The following AHCYL2 variants were observed in gnomAD, a reference collection of about 807,000 sequenced individuals.
AHCYL2 encodes adenosylhomocysteinase like 2, also known as S-adenosylhomocysteine hydrolase-like protein 2.
A neutral mutation model predicts 81.4 loss-of-function variants in AHCYL2; 28 were observed. The ratio of observed to expected loss-of-function variants is 0.34; its 90% CI spans 0.25 to 0.47. The LOEUF (loss-of-function observed/expected upper bound fraction) is 0.47. Among genes scored for constraint, AHCYL2 ranks in the 20% least tolerant of loss-of-function variants. The pLI is 1.00. For missense variants in AHCYL2, 551 were observed against 785.1 expected (o/e 0.70, Z 3.56); for synonymous variants, 272 against 290.2 (o/e 0.94, Z 0.64).
intron 1 of AHCYL2, among the ~76,000 whole-genome samples, chr7:129,332,718 C>G (rs759183317): frequency 1.3e-5 from 2 of 152,192 alleles, no homozygotes; most frequent in Admixed American, 1.3e-4. Context: ...ACAAATAGCT[C>G]TCTTTTTTGC....
intron 1 of AHCYL2, among the ~76,000 whole-genome samples, chr7:129,269,320 C>G (rs56342144): frequency 1.3e-4 from 20 of 151,592 alleles, no homozygotes; most frequent in Non-Finnish European, 5.9e-5. Context: ...GAGTCTTGCT[C>G]TATTGGCCAG....
intron 1 of AHCYL2, among the ~76,000 whole-genome samples, chr7:129,361,292 C>T (rs1037011881): frequency 2.6e-5 from 4 of 152,178 alleles, no homozygotes; most frequent in Non-Finnish European, 4.4e-5. Flanking sequence ...GGTAACTCCC[C>T]GCTTATCCTT....
At chr7:129,347,874 G>T (rs1793417869) in intron 1 of AHCYL2, among the ~76,000 whole-genome samples, 1 of 152,114 alleles carries the variant, frequency 6.6e-6, no homozygotes, top group Non-Finnish European at 1.5e-5. Flanking sequence ...CACCCAAGTG[G>T]CATTTCATAC....
chr7:129,392,344 A>C (rs1795509804), intron 4 of AHCYL2, among the ~76,000 whole-genome samples: 1 of 152,252 alleles, frequency 6.6e-6, no homozygotes, highest in African/African-American at 2.4e-5. Flanking sequence ...TAGGAAGTCC[A>C]AGATCAAGGC....
At chr7:129,375,868 C>T in intron 1 of AHCYL2, 1 of 1,536,068 alleles carries the variant, frequency 6.5e-7, no homozygotes, top group Non-Finnish European at 8.7e-7. Context: ...GGTAATGTCA[C>T]TATGCTGGGC....
intron 1 of AHCYL2, among the ~76,000 whole-genome samples, chr7:129,279,395 C>G (rs565522597): frequency 6.6e-6 from 1 of 152,098 alleles, no homozygotes; most frequent in Admixed American, 6.5e-5. Context: ...GTGATCCCCC[C>G]ACCCCGGCTT....
rs142627159 is a variant in AHCYL2, at chr7:129,239,357, T to G, written c.363+13918T>G. Among the ~76,000 whole-genome samples, 22 of 152,300 alleles carry G rather than the reference T, an allele frequency of 1.4e-4. No individual in the cohort carries two copies. In the East Asian group the frequency reaches 4.2e-3, roughly 29 times the overall value. On this transcript the variant is annotated intron_variant, in intron 1 of 16. Coordinates refer to ENST00000325006, the MANE Select transcript of AHCYL2 (RefSeq NM_015328.4). ...GTACTAGCATATATCTGTCAGAACC[T>G]CAATTTTGTATTCGTTGTTGAGTAG... is the stretch of plus-strand genomic sequence containing the variant.
At position 129,235,620 on chromosome 7, in the gene AHCYL2, G is replaced by A. The variant is rs182832455; in HGVS notation, c.363+10181G>A. On this transcript the variant is annotated intron_variant, in intron 1 of 16. Transcript: ENST00000325006. ...GTATTTTTTGTAGAGATGGGGTTTC[G>A]CCATATTGCCCAGGCTGGTCATGAA... Among the ~76,000 whole-genome samples the A allele has an allele frequency of 3.7e-3, 557 of 150,974 alleles. 3 individuals are homozygous for A. Among genetic ancestry groups the A allele is most frequent in the African/African-American group, 0.012 (495 of 41,068 alleles).
intron 1 of AHCYL2, among the ~76,000 whole-genome samples, chr7:129,240,932 G>A (rs184590361): frequency 1.2e-4 from 18 of 152,172 alleles, no homozygotes; most frequent in African/African-American, 3.1e-4. Flanking sequence ...ATAGGTTTGC[G>A]TAGAGAGCTT....
At position 129,426,678 on chromosome 7, in the gene AHCYL2, C is replaced by T; in HGVS notation, c.1829+115C>T. The stretch of plus-strand genomic sequence containing the variant: ...CTTACATGAACTCAGAAAAATGAAC[C>T]CACTTCCCCTCACTGCCACCTTCAA... On this transcript the variant is annotated intron_variant, in intron 16 of 16. Coordinates refer to ENST00000325006, the MANE Select transcript of AHCYL2 (RefSeq NM_015328.4). This position sits in a 1 kb window ranked among gnomAD's most constrained non-coding sequence, Gnocchi z 4.3. 1 of 1,406,570 alleles carries T rather than the reference C, an allele frequency of 7.1e-7. No homozygotes were observed. The highest frequency in any genetic ancestry group is 9.5e-7 in the Non-Finnish European group (1 of 1,052,262). 87.1% of individuals were successfully genotyped at this position (1,406,570 alleles called of 1,614,324 possible). A position where few individuals can be genotyped will look rare whatever the true frequency, so the allele number is the denominator to read the frequency against.
chr7:129,370,306 AG>A (rs1794319563), intron 1 of AHCYL2, among the ~76,000 whole-genome samples: 1 of 152,200 alleles, frequency 6.6e-6, no homozygotes, highest in South Asian at 2.1e-4. Flanking sequence ...CCACTGCATA[AG>A]GGATATGATC....
In AHCYL2 at chr7:129,225,387, C is replaced by T. The variant is rs1255420236; in HGVS notation, c.311C>T (p.Ala104Val). 6.6e-7 allele frequency: 1 copy of T among 1,517,262 alleles called. No individual in the cohort carries two copies. Among genetic ancestry groups the T allele is most frequent in the Admixed American group, 2.0e-5 (1 of 49,472 alleles). The allele number at this position is 1,517,262 out of a possible 1,614,324, so 94.0% of individuals were successfully genotyped here. A position where few individuals can be genotyped will look rare whatever the true frequency, so the allele number is the denominator to read the frequency against. ...QHQRHRDGGEALVSPDGTVTE... is the reference protein window; with the variant it reads ...QHQRHRDGGEVLVSPDGTVTE... The stretch of plus-strand genomic sequence containing the variant: ...CAGCGGCACCGCGACGGCGGCGAGG[C>T]CCTGGTCAGCCCCGACGGCACCGTC... Residue 104 changes from alanine (A) to valine (V), a missense_variant, in exon 1 of 17, where the codon GCC becomes GTC. Ala to Val is a moderately conservative substitution (Grantham distance 64). Around this residue, in one of 2 missense-constraint regions of AHCYL2, gnomAD observed 235 missense variants for 242.1 expected, o/e 0.97. Coordinates refer to ENST00000325006, the MANE Select transcript of AHCYL2 (RefSeq NM_015328.4).
chr7:129,352,957 T>C (rs1793618832), intron 1 of AHCYL2, among the ~76,000 whole-genome samples: 1 of 149,030 alleles, frequency 6.7e-6, no homozygotes, highest in African/African-American at 2.5e-5. Flanking sequence ...TTTTTTTTTT[T>C]TTTGGTGCAG....
At chr7:129,266,989 T>C (rs1038403820) in intron 1 of AHCYL2, among the ~76,000 whole-genome samples, 12 of 152,054 alleles carry the variant, frequency 7.9e-5, no homozygotes, top group African/African-American at 2.9e-4. Context: ...AAAATATTTA[T>C]GTTGTGGAGA....
chr7:129,278,502 G>A (rs1392715109), intron 1 of AHCYL2, among the ~76,000 whole-genome samples: 1 of 152,080 alleles, frequency 6.6e-6, no homozygotes, highest in Non-Finnish European at 1.5e-5. Flanking sequence ...CTCCCAGTCT[G>A]TGGCTTATTT....
chr7:129,227,612 A>C (rs1201925531), intron 1 of AHCYL2, among the ~76,000 whole-genome samples: 2 of 148,422 alleles, frequency 1.3e-5, no homozygotes, highest in East Asian at 3.9e-4. Context: ...TTGTCTCAAA[A>C]AAAAAAAAAA....
intron 12 of AHCYL2, among the ~76,000 whole-genome samples, chr7:129,415,570 C>A (rs1796802727): frequency 6.6e-6 from 1 of 151,926 alleles, no homozygotes; most frequent in South Asian, 2.1e-4. Flanking sequence ...CACCTGTAAT[C>A]CCAGCACTTT....
chr7:129,338,594 T>C (rs1793046415), intron 1 of AHCYL2, among the ~76,000 whole-genome samples: 1 of 152,254 alleles, frequency 6.6e-6, no homozygotes, highest in Non-Finnish European at 1.5e-5. Flanking sequence ...TTCGGATCTT[T>C]CCTGTTCTGA....
chr7:129,328,790 T>C (rs1188186734), intron 1 of AHCYL2, among the ~76,000 whole-genome samples: 1 of 152,122 alleles, frequency 6.6e-6, no homozygotes, highest in Non-Finnish European at 1.5e-5. Context: ...CCAGCCTGAT[T>C]TGGCTTTCTA....
Sources: gnomAD v4.1 joint callset for allele counts (sites outside exome capture counted in the v4.1 genomes callset) on GRCh38, gnomAD v4.1.1 for gene constraint, gnomAD v4.1.1 regional missense constraint, Gnocchi (gnomAD v3.1) non-coding constraint, MANE v1.5 for transcripts, NCBI Gene and HGNC (gene_info 2026-07-23, HGNC 2026-07-21) for gene names.